The following EPPIN variants were observed in gnomAD, a reference collection of about 807,000 sequenced individuals.
The protein encoded by EPPIN is WAP four-disulfide core domain protein 7.
A neutral mutation model predicts 18.8 loss-of-function variants in EPPIN; 14 were observed. That is an observed-to-expected ratio of 0.75 (90% confidence interval 0.49 to 1.17). The LOEUF is 1.17. Among genes scored for constraint, EPPIN ranks in the 50% most tolerant of loss-of-function variants. The probability of loss-of-function intolerance (pLI) is 0.00; values close to 1 mark genes in which losing one functional copy is unlikely to be tolerated. For synonymous variants in EPPIN, 57 were observed against 54.8 expected (o/e 1.04, Z -0.18); for missense variants, 143 against 154.2 (o/e 0.93, Z 0.39).
At position 45,546,168 on chromosome 20, in the gene EPPIN, T is replaced by C. The variant is rs956007160; in HGVS notation, c.92-398A>G. 3.7e-5 allele frequency: 10 copies of C among 272,708 alleles called. No individual in the cohort carries two copies. In the Admixed American group the frequency reaches 5.1e-4, roughly 14 times the overall value. The allele number at this position is 272,708 out of a possible 1,614,324, so 16.9% of individuals were successfully genotyped here. On this transcript the variant is annotated intron_variant, in intron 1 of 3. Coordinates refer to ENST00000354280, the MANE Select transcript of EPPIN (RefSeq NM_020398.4). ...AAAATGTCTCCAGGCACTGCAAAGGTCCCCTGGAAGGCAAAATCACACCAT... is the reference window on the plus strand; with the variant it reads ...AAAATGTCTCCAGGCACTGCAAAGGCCCCCTGGAAGGCAAAATCACACCAT...
chr20:45,542,720 A>G lies in EPPIN; in HGVS notation c.371T>C (p.Leu124Pro), dbSNP rs2145549894. The change falls in exon 3 of 4, where the codon CTG becomes CCG. Residue 124 changes from leucine to proline, a missense_variant. Leu to Pro is a moderately conservative substitution (Grantham distance 98). Coordinates refer to ENST00000354280, the MANE Select transcript of EPPIN (RefSeq NM_020398.4). ...CTTACGTTTATTCTTGCAGGTGTTCAGGCAGTTGGCTTTGGATTGGAAGTT... is the reference window on the plus strand; with the variant it reads ...CTTACGTTTATTCTTGCAGGTGTTCGGGCAGTTGGCTTTGGATTGGAAGTT... ...NNNFQSKANC[L>P]NTCKNKRFP is the part of the protein sequence containing the mutation. The G allele has an allele frequency of 6.2e-7, 1 of 1,613,848 alleles. No individual in the cohort carries two copies. Among genetic ancestry groups the G allele is most frequent in the East Asian group, 2.2e-5 (1 of 44,874 alleles).
chr20:45,542,584 G>A, intron 3 of EPPIN, 116 bp downstream of exon 3: 1 of 1,459,884 alleles, frequency 6.8e-7, no homozygotes, highest in South Asian at 1.4e-5. Flanking sequence ...ATCAGAGCTG[G>A]TTCTGTCAGC....
chr20:45,541,078 C>T lies in EPPIN; in HGVS notation c.*1066G>A, dbSNP rs1366528344. The stretch of plus-strand genomic sequence containing the variant: ...TGTGGTACATATATGCCATGGAATA[C>T]TATGCAGCCATAAAAAGAAATGAGA... On this transcript the variant is annotated 3_prime_UTR_variant, in exon 4 of 4. Transcript: ENST00000354280. 1 of 152,166 alleles carries T rather than the reference C, an allele frequency of 6.6e-6. No homozygotes were observed. Among genetic ancestry groups the T allele is most frequent in the Non-Finnish European group, 1.5e-5 (1 of 68,036 alleles). 9.4% of individuals were successfully genotyped at this position (152,166 alleles called of 1,614,324 possible). A position where few individuals can be genotyped will look rare whatever the true frequency, so the allele number is the denominator to read the frequency against.
At chr20:45,545,494 A>G (rs902356162) in intron 2 of EPPIN, 145 bp downstream of exon 2, 2 of 1,391,360 alleles carry the variant, frequency 1.4e-6, no homozygotes, top group African/African-American at 2.9e-5. Context: ...TTGGCACAGT[A>G]ATGAATCTAA....
chr20:45,543,003 C>T (rs1979670339), intron 2 of EPPIN, 136 bp from the exon 3 acceptor site: 1 of 1,311,612 alleles, frequency 7.6e-7, no homozygotes, highest in Non-Finnish European at 1.0e-6. Flanking sequence ...AGGAGCACAG[C>T]TCCACTGACA....
At chr20:45,543,081 G>T (rs1323619722) in intron 2 of EPPIN, 26 of 758,088 alleles carry the variant, frequency 3.4e-5, no homozygotes, top group Non-Finnish European at 5.0e-5. Context: ...GTTGTTGCAG[G>T]TGTAATTAGC....
chr20:45,542,661 G>T (rs190154691), intron 3 of EPPIN, 39 bp downstream of exon 3: 15 of 1,601,982 alleles, frequency 9.4e-6, no homozygotes, highest in Non-Finnish European at 1.3e-5. Flanking sequence ...CCCGGCATGG[G>T]ACTGGAGAGG....
chr20:45,542,498 C>G, intron 3 of EPPIN: 1 of 745,866 alleles, frequency 1.3e-6, no homozygotes, highest in Non-Finnish European at 2.1e-6. Context: ...ACTTCTACAT[C>G]CCTTCTCATC....
intron 2 of EPPIN, 131 bp downstream of exon 2, chr20:45,545,508 G>T (rs184341971): frequency 6.7e-7 from 1 of 1,485,288 alleles, no homozygotes; most frequent in South Asian, 1.3e-5. Flanking sequence ...AATCTAAATC[G>T]CAGGTCTCCC....
chr20:45,542,762 C>A lies in EPPIN; in HGVS notation c.329G>T (p.Cys110Phe), dbSNP rs1335648940. 7 of 1,613,974 alleles carry A rather than the reference C, an allele frequency of 4.3e-6. No homozygotes were observed. Among genetic ancestry groups the A allele is most frequent in the Non-Finnish European group, 5.1e-6 (6 of 1,179,890 alleles). ...TTGGAAGTTGTTATTGTTTCCCTGG[C>A]AGCCACCATAGACAAACATGGAGCA... is the stretch of plus-strand genomic sequence containing the variant. Reference protein sequence around the residue: ...NTCSMFVYGGCQGNNNNFQSK... With the variant: ...NTCSMFVYGGFQGNNNNFQSK... Residue 110 changes from cysteine (C) to phenylalanine (F), a missense_variant, in exon 3 of 4, where the codon TGC (cysteine) becomes TTC (phenylalanine). Cys to Phe is a radical substitution (Grantham distance 205, BLOSUM62 -2). Transcript: ENST00000354280.
chr20:45,546,004 C>A (rs1979815910), intron 1 of EPPIN: 1 of 550,472 alleles, frequency 1.8e-6, no homozygotes. Flanking sequence ...CCATCTAAGG[C>A]AGAATTTCTC....
chr20:45,546,053 G>A (rs74486585), intron 1 of EPPIN: 25 of 486,520 alleles, frequency 5.1e-5, no homozygotes, highest in Admixed American at 2.9e-4. Flanking sequence ...TTCTTTGTTT[G>A]GGGGGCTGAA....
chr20:45,543,713 T>A (rs1163205761), intron 2 of EPPIN: 1 of 152,302 alleles, frequency 6.6e-6, no homozygotes, highest in East Asian at 1.9e-4. Flanking sequence ...TATCATGTCA[T>A]TGCACAGAGA....
chr20:45,542,605 C>T (rs2145549683), intron 3 of EPPIN, 95 bp downstream of exon 3: 8 of 1,518,178 alleles, frequency 5.3e-6, no homozygotes, highest in Middle Eastern at 2.3e-4. Context: ...ACCAGGTCTG[C>T]CAAAGATGTA....
In EPPIN at chr20:45,541,151, A is replaced by G. The variant is rs1309309035; in HGVS notation, c.*993T>C. 1 of 152,208 alleles carries G rather than the reference A, an allele frequency of 6.6e-6. No individual in the cohort carries two copies. Among genetic ancestry groups the G allele is most frequent in the Non-Finnish European group, 1.5e-5 (1 of 68,044 alleles). The allele number at this position is 152,208 out of a possible 1,614,324, so 9.4% of individuals were successfully genotyped here. A position where few individuals can be genotyped will look rare whatever the true frequency, so the allele number is the denominator to read the frequency against. ...GATGAAGCTGGAAGCCGTTATCCTCAGCAAAGTAACGCAGGAACAAAAGTA... is the reference window on the plus strand; with the variant it reads ...GATGAAGCTGGAAGCCGTTATCCTCGGCAAAGTAACGCAGGAACAAAAGTA... On this transcript the variant is annotated 3_prime_UTR_variant, in exon 4 of 4. Coordinates refer to ENST00000354280, the MANE Select transcript of EPPIN (RefSeq NM_020398.4).
intron 2 of EPPIN, 192 bp downstream of exon 2, chr20:45,545,447 G>A (rs1468411317): frequency 1.2e-6 from 1 of 843,548 alleles, no homozygotes; most frequent in East Asian, 2.7e-5. Flanking sequence ...GACATTACCT[G>A]ATAGGATAAG....
chr20:45,544,415 T>A (rs1294055326), intron 2 of EPPIN: 1 of 152,180 alleles, frequency 6.6e-6, no homozygotes, highest in Admixed American at 6.5e-5. Context: ...CTGAGGAAAC[T>A]GACTCACAGT....
rs199878924 is a variant in EPPIN, at chr20:45,542,682, G to A, written c.391+18C>T. 1.2e-4 allele frequency: 198 copies of A among 1,609,782 alleles called. 1 individual carries two copies. The East Asian group carries it at 1.5e-3, about 12-fold the overall frequency. On this transcript the variant is annotated intron_variant, in intron 3 of 3. Transcript: ENST00000354280. ...ATGGGACTGGAGAGGATGAAAGACCGGGGCCCCTAGGACTTACGTTTATTC... is the reference window on the plus strand; with the variant it reads ...ATGGGACTGGAGAGGATGAAAGACCAGGGCCCCTAGGACTTACGTTTATTC...
rs45446094 is a variant in EPPIN at position 45,542,589 on chromosome 20, G to C, written c.391+111C>G. 1,127 of 1,480,812 alleles carry C rather than the reference G, an allele frequency of 7.6e-4. 8 individuals carry two copies. The African/African-American group carries it at 0.015, about 19-fold the overall frequency. 91.7% of individuals were successfully genotyped at this position (1,480,812 alleles called of 1,614,324 possible). A position where few individuals can be genotyped will look rare whatever the true frequency, so the allele number is the denominator to read the frequency against. Reference sequence around the variant, plus strand: ...TTACCTCCTGATCAGAGCTGGTTCTGTCAGCACCAGGTCTGCCAAAGATGT... The same window carrying C: ...TTACCTCCTGATCAGAGCTGGTTCTCTCAGCACCAGGTCTGCCAAAGATGT... On this transcript the variant is annotated intron_variant, in intron 3 of 3. Coordinates refer to ENST00000354280, the MANE Select transcript of EPPIN (RefSeq NM_020398.4).
Sources: gnomAD v4.1 joint callset for allele counts on GRCh38, gnomAD v4.1.1 for gene constraint, MANE v1.5 for transcripts, NCBI Gene and HGNC (gene_info 2026-07-23, HGNC 2026-07-21) for gene names.